ZNF266: variants seen among roughly 807,000 people sequenced by gnomAD.
ZNF266 encodes the protein zinc finger protein 266.
ZNF266 carries 16 observed loss-of-function variants against 16.4 expected under a neutral mutation model. That is an observed-to-expected ratio of 0.98 (90% CI 0.66 to 1.48). The LOEUF (loss-of-function observed/expected upper bound fraction) is 1.48. Ranked by LOEUF, ZNF266 falls within the 40% of genes most tolerant of loss-of-function variation. The pLI is 0.00. For synonymous variants in ZNF266, 262 were observed against 237.9 expected (o/e 1.10, Z -0.93); for missense variants, 738 against 689.1 (o/e 1.07, Z -0.79).
chr19:9,434,450 A>G (rs1460902368), intron 3 of ZNF266, among the ~76,000 whole-genome samples: 5 of 152,222 alleles, frequency 3.3e-5, no homozygotes, highest in Admixed American at 6.5e-5. Flanking sequence ...TAAATGAAGG[A>G]TACATTTAAA....
intron 5 of ZNF266, among the ~76,000 whole-genome samples, chr19:9,422,471 A>G (rs1233210445): frequency 6.6e-6 from 1 of 152,218 alleles, no homozygotes; most frequent in Non-Finnish European, 1.5e-5. Flanking sequence ...CAAGGGTGAC[A>G]GGAATACTGT....
chr19:9,421,258 T>C (rs542635644), intron 5 of ZNF266, among the ~76,000 whole-genome samples: 3 of 152,278 alleles, frequency 2.0e-5, no homozygotes, highest in East Asian at 3.9e-4. Context: ...GAGGTCACAC[T>C]GGGTTACAGA....
chr19:9,414,080 C>T lies in ZNF266; in HGVS notation c.1046G>A (p.Cys349Tyr), dbSNP rs1269839997. 4.3e-6 allele frequency: 7 copies of T among 1,613,302 alleles called. No individual in the cohort carries two copies. In the African/African-American group the frequency reaches 9.4e-5, roughly 22 times the overall value. The change falls in exon 11 of 11, where the codon TGC becomes TAC. Residue 349 changes from cysteine to tyrosine, a missense_variant. Coordinates refer to ENST00000592904, the MANE Select transcript of ZNF266 (RefSeq NM_001370374.1). ...ATGGATTTTCATATGTTGACTTAAG[C>T]AAGAGGAAACAGTGAAGGCTCTCCC... ...DCGRAFTVSS[C>Y]LSQHMKIHVG...
Position 9,413,727 on chromosome 19 carries a change from T to C in ZNF266, c.1399A>G (p.Arg467Gly), listed in dbSNP as rs1411780611. 3.1e-6 allele frequency: 5 copies of C among 1,614,052 alleles called. No individual in the cohort carries two copies. Among genetic ancestry groups the C allele is most frequent in the East Asian group, 2.2e-5 (1 of 44,894 alleles). The change falls in exon 11 of 11, where the codon AGA (arginine) becomes GGA (glycine). Residue 467 changes from arginine (R) to glycine (G), a missense_variant. Coordinates refer to ENST00000592904, the MANE Select transcript of ZNF266 (RefSeq NM_001370374.1). ...AAAGGCTTCTCTCCAGTGTGAGTTC[T>C]TGTATGTTCACTAAGGCGAGAGGAT... Reference protein sequence around the residue: ...ARSSRLSEHTRTHTGEKPFEC... With the variant: ...ARSSRLSEHTGTHTGEKPFEC...
rs1477354661 is a variant in ZNF266 at position 9,414,194 on chromosome 19, T to C, written c.932A>G (p.Glu311Gly). ...AGACCTGGTGAAGGCTTTCCCACAC[T>C]CCTTACACTCATAGGGATTGTCTCC... ...HTGDNPYECKECGKAFTRSCQ... is the reference protein window; with the variant it reads ...HTGDNPYECKGCGKAFTRSCQ... Residue 311 changes from glutamate to glycine, a missense_variant, in exon 11 of 11, where the codon GAG (glutamate) becomes GGG (glycine). Glu to Gly is a moderately conservative substitution (Grantham distance 98). Coordinates refer to ENST00000592904, the MANE Select transcript of ZNF266 (RefSeq NM_001370374.1). 14 of 1,614,068 alleles carry C rather than the reference T, an allele frequency of 8.7e-6. No homozygotes were observed. The South Asian group carries it at 1.4e-4, about 16-fold the overall frequency.
At chr19:9,418,820 T>C in intron 7 of ZNF266, 189 bp from the exon 8 acceptor site, 1 of 476,696 alleles carries the variant, frequency 2.1e-6, no homozygotes, top group South Asian at 2.4e-5. Context: ...CATGATTGTA[T>C]GTAACACAAC....
At chr19:9,417,799 G>T in intron 9 of ZNF266, 29 bp downstream of exon 9, 7 of 1,555,676 alleles carry the variant, frequency 4.5e-6, no homozygotes, top group South Asian at 2.2e-5. Context: ...TGAACTTATT[G>T]ACCAGGGCGG....
chr19:9,418,645 C>T lies in ZNF266; in HGVS notation c.109-14G>A. On this transcript the variant is annotated splice_polypyrimidine_tract_variant and intron_variant, in intron 7 of 10. Transcript: ENST00000592904. ...AGTCACTGAATCCTAAACCATCACA[C>T]ACATGCTGGCTTGAGCCACAAAACA... The T allele has an allele frequency of 6.4e-6, 8 of 1,247,020 alleles. No homozygotes were observed. The highest frequency in any genetic ancestry group is 8.3e-6 in the Non-Finnish European group (7 of 847,380). The allele number at this position is 1,247,020 out of a possible 1,614,324, so 77.2% of individuals were successfully genotyped here. A position where few individuals can be genotyped will look rare whatever the true frequency, so the allele number is the denominator to read the frequency against.
Position 9,434,363 on chromosome 19 carries a change from G to C in ZNF266, c.-409-128C>G, listed in dbSNP as rs1024549491. On this transcript the variant is annotated intron_variant, in intron 3 of 10. Transcript: ENST00000592904. The stretch of plus-strand genomic sequence containing the variant: ...CTCCACTAGTTTACAACCTCCCTAA[G>C]AACAGCCCTAGGCTGAATTTTTTTA... The C allele has an allele frequency of 1.6e-4, 25 of 152,098 alleles. 1 individual carries two copies. The allele number at this position is 152,098 out of a possible 1,614,324, so 9.4% of individuals were successfully genotyped here.
Position 9,417,811 on chromosome 19 carries a change from C to G in ZNF266, c.316+17G>C. 4.3e-6 allele frequency: 7 copies of G among 1,611,546 alleles called. No individual in the cohort carries two copies. The highest frequency in any genetic ancestry group is 5.9e-6 in the Non-Finnish European group (7 of 1,177,924). On this transcript the variant is annotated intron_variant, in intron 9 of 10. Transcript: ENST00000592904. Reference sequence around the variant, plus strand: ...TACTGAACTTATTGACCAGGGCGGTCCTTTGTGAACACTCACCTTGGAAAT... The same window carrying G: ...TACTGAACTTATTGACCAGGGCGGTGCTTTGTGAACACTCACCTTGGAAAT...
chr19:9,424,135 G>C (rs1451968682), intron 5 of ZNF266, among the ~76,000 whole-genome samples: 1 of 151,830 alleles, frequency 6.6e-6, no homozygotes, highest in Non-Finnish European at 1.5e-5. Context: ...GCCCCCCCCA[G>C]GGGGCACAGC....
chr19:9,424,133 C>A (rs1260746258), intron 5 of ZNF266, among the ~76,000 whole-genome samples: 1 of 151,560 alleles, frequency 6.6e-6, no homozygotes, highest in Non-Finnish European at 1.5e-5. Context: ...ATGCCCCCCC[C>A]AGGGGGCACA....
At chr19:9,420,555 A>C (rs910883686) in intron 5 of ZNF266, 1 of 152,218 alleles carries the variant, frequency 6.6e-6, no homozygotes, top group African/African-American at 2.4e-5. Flanking sequence ...GGAGTTCAAG[A>C]CCAGCCTGGG....
chr19:9,417,454 C>T (rs1381895077), intron 9 of ZNF266, among the ~76,000 whole-genome samples: 9 of 151,766 alleles, frequency 5.9e-5, no homozygotes, highest in Admixed American at 3.3e-4. Flanking sequence ...TATGGCTAAG[C>T]GTGGTGGCTC....
rs531063974 is a variant in ZNF266, at chr19:9,426,199, G to A, written c.-129-5981C>T. 2.2e-4 allele frequency among the ~76,000 whole-genome samples: 34 copies of A among 152,260 alleles called. 1 individual carries two copies. The highest frequency in any genetic ancestry group is 7.5e-4 in the African/African-American group (31 of 41,558). On this transcript the variant is annotated intron_variant, in intron 5 of 10. Coordinates refer to ENST00000592904, the MANE Select transcript of ZNF266 (RefSeq NM_001370374.1). ...AGAGAGAAAGGCGGCTGCCTACAAA[G>A]GGGTCAGATGGGAAGCACAAATGGA...
chr19:9,414,222 TG>T lies in ZNF266; in HGVS notation c.903del (p.His301GlnfsTer50). 6.2e-7 allele frequency: 1 copy of T among 1,614,234 alleles called. No individual in the cohort carries two copies. The highest frequency in any genetic ancestry group is 1.1e-5 in the South Asian group (1 of 91,084). ...SAYLNIHMGT[H>X]TGDNPYECKE... Reference sequence around the variant, plus strand: ...TTACACTCATAGGGATTGTCTCCAGTGTGGGTTCCCATGTGAATATTAAGGT... The same window carrying T: ...TTACACTCATAGGGATTGTCTCCAGTTGGGTTCCCATGTGAATATTAAGGT... On this transcript the variant is annotated frameshift_variant, in exon 11 of 11. Coordinates refer to ENST00000592904, the MANE Select transcript of ZNF266 (RefSeq NM_001370374.1). LOFTEE classifies it low-confidence loss of function (END_TRUNC).
At chr19:9,416,917 C>T (rs1001471723) in intron 9 of ZNF266, among the ~76,000 whole-genome samples, 6 of 151,542 alleles carry the variant, frequency 4.0e-5, no homozygotes, top group Admixed American at 6.6e-5. Context: ...GTGATCTGCC[C>T]GCCTCAGCCT....
chr19:9,428,879 T>C (rs1188347133), intron 5 of ZNF266, among the ~76,000 whole-genome samples: 2 of 148,962 alleles, frequency 1.3e-5, no homozygotes, highest in African/African-American at 5.0e-5. Context: ...CCTACATATA[T>C]ATTTCACTTC....
intron 5 of ZNF266, among the ~76,000 whole-genome samples, chr19:9,423,825 G>A (rs1430528795): frequency 2.0e-5 from 3 of 152,012 alleles, no homozygotes; most frequent in Non-Finnish European, 4.4e-5. Context: ...GTGAAACCCC[G>A]TCTCTACTAA....
Sources: gnomAD v4.1 joint callset for allele counts (sites outside exome capture counted in the v4.1 genomes callset) on GRCh38, gnomAD v4.1.1 for gene constraint, MANE v1.5 for transcripts, NCBI Gene and HGNC (gene_info 2026-07-23, HGNC 2026-07-21) for gene names.